The following ANO3 variants were observed in gnomAD, a reference collection of about 807,000 sequenced individuals.
ANO3 encodes the protein anoctamin-3.
In ANO3, 99 loss-of-function variants were observed where a neutral mutation model predicts 144.8. The observed-to-expected ratio is 0.68, with a 90% CI of 0.58 to 0.81. The LOEUF (loss-of-function observed/expected upper bound fraction) is 0.81, where lower values mean the gene tolerates loss of function less well. ANO3 is among the 30% of genes least tolerant of loss of function. The probability of loss-of-function intolerance (pLI) is 0.00; values close to 1 mark genes in which losing one functional copy is unlikely to be tolerated. For synonymous variants in ANO3, 414 were observed against 392.6 expected, an observed-to-expected ratio of 1.05 and a Z score of -0.64; for missense variants, 905 against 1,202.2, an observed-to-expected ratio of 0.75 and a Z score of 3.66.
chr11:26,384,342 T>G (rs538547383), intron 1 of ANO3, among the ~76,000 whole-genome samples: 1 of 152,238 alleles, frequency 6.6e-6, no homozygotes, highest in East Asian at 1.9e-4. Context: ...AACAGACAAG[T>G]AGTAGTTAAC....
intron 4 of ANO3, among the ~76,000 whole-genome samples, chr11:26,471,327 C>G (rs1301607784): frequency 6.6e-6 from 1 of 151,954 alleles, no homozygotes; most frequent in Middle Eastern, 3.4e-3. Context: ...AATTGTGTGG[C>G]TAATTTACAA....
At chr11:26,481,351 T>C (rs1565051298) in intron 4 of ANO3, among the ~76,000 whole-genome samples, 1 of 152,068 alleles carries the variant, frequency 6.6e-6, no homozygotes, top group Admixed American at 6.5e-5. Flanking sequence ...TCTGAGGGAA[T>C]AAATTTATCT....
intron 1 of ANO3, among the ~76,000 whole-genome samples, chr11:26,189,609 T>C (rs1407355692): frequency 6.6e-6 from 1 of 152,210 alleles, no homozygotes; most frequent in African/African-American, 2.4e-5. Context: ...TTCCTCTGAA[T>C]GCTCAGGCCT....
At chr11:26,251,071 AC>A (rs555458320) in intron 1 of ANO3, among the ~76,000 whole-genome samples, 55 of 152,302 alleles carry the variant, frequency 3.6e-4, no homozygotes, top group Middle Eastern at 3.4e-3. Context: ...CAGGAAAATA[AC>A]AAAATTCAAA....
intron 4 of ANO3, among the ~76,000 whole-genome samples, chr11:26,501,070 G>GA (rs1216863697): frequency 1.3e-5 from 2 of 152,116 alleles, no homozygotes; most frequent in Admixed American, 1.3e-4. Flanking sequence ...AGAAAGTAAT[G>GA]AAAAACATTC....
intron 1 of ANO3, among the ~76,000 whole-genome samples, chr11:26,223,621 AAC>A (rs1491192309): frequency 6.6e-6 from 1 of 151,582 alleles, no homozygotes. Context: ...AAAAAAAAAA[AAC>A]CCTGAGATTG....
chr11:26,283,622 A>G (rs1043031761), intron 1 of ANO3, among the ~76,000 whole-genome samples: 4 of 152,064 alleles, frequency 2.6e-5, no homozygotes, highest in South Asian at 2.1e-4. Context: ...CTCACTTAGT[A>G]AGTACCTACT....
At chr11:26,413,787 C>T (rs1358443930) in intron 1 of ANO3, among the ~76,000 whole-genome samples, 6 of 152,002 alleles carry the variant, frequency 3.9e-5, no homozygotes, top group Admixed American at 6.6e-5. Context: ...AATTCATGCA[C>T]AATGGCTATG....
chr11:26,198,502 A>C (rs1427679631), intron 1 of ANO3, among the ~76,000 whole-genome samples: 1 of 152,202 alleles, frequency 6.6e-6, no homozygotes, highest in African/African-American at 2.4e-5. Flanking sequence ...TATGGTCCAA[A>C]GAAGATAGAA....
intron 9 of ANO3, among the ~76,000 whole-genome samples, chr11:26,535,497 T>A (rs1849483172): frequency 6.7e-6 from 1 of 150,346 alleles, no homozygotes; most frequent in South Asian, 2.1e-4. Context: ...CAGCAAAAAC[T>A]GGTACCAATC....
intron 1 of ANO3, among the ~76,000 whole-genome samples, chr11:26,389,977 A>C (rs1165692457): frequency 6.6e-6 from 1 of 152,074 alleles, no homozygotes; most frequent in Non-Finnish European, 1.5e-5. Flanking sequence ...TAACGGTCTG[A>C]ATTGTTAGGT....
Position 26,553,224 on chromosome 11 carries a change from G to A in ANO3, c.1290-25G>A, listed in dbSNP as rs56104576. ...ACAGTTTCATGCTATGTTTTGTTTT[G>A]TTTTTGTTTTTGTTTTTTCTCAAGC... On this transcript the variant is annotated intron_variant, in intron 12 of 26. Transcript: ENST00000256737. The A allele has an allele frequency of 6.8e-6, 8 of 1,172,126 alleles. 1 individual carries two copies. Among genetic ancestry groups the A allele is most frequent in the South Asian group, 2.6e-5 (2 of 75,606 alleles). 72.6% of individuals were successfully genotyped at this position (1,172,126 alleles called of 1,614,324 possible).
chr11:26,336,545 CA>C (rs530455539), intron 1 of ANO3, among the ~76,000 whole-genome samples: 115 of 152,252 alleles, frequency 7.6e-4, no homozygotes, highest in African/African-American at 2.7e-3. Context: ...GTTGCTATTG[CA>C]AGTGCACACC....
intron 1 of ANO3, among the ~76,000 whole-genome samples, chr11:26,370,432 A>G (rs1856217344): frequency 6.6e-6 from 1 of 152,204 alleles, no homozygotes; most frequent in African/African-American, 2.4e-5. Flanking sequence ...CACCAGCAAC[A>G]TGAGAATGAA....
Position 26,247,241 on chromosome 11 carries a change from T to G in ANO3, c.154+57911T>G, listed in dbSNP as rs141161084. Among the ~76,000 whole-genome samples the G allele has an allele frequency of 5.9e-5, 9 of 151,710 alleles. No individual in the cohort carries two copies. In the East Asian group the frequency reaches 1.8e-3, roughly 30 times the overall value. On this transcript the variant is annotated intron_variant, in intron 1 of 27. Transcript: ENST00000672621. The stretch of plus-strand genomic sequence containing the variant: ...TTACGTGTAGATTTCTGACTCAAAG[T>G]ATATTTTTTATATACTGTATTATGT...
chr11:26,559,858 A>G, intron 14 of ANO3, 79 bp downstream of exon 14: 1 of 908,304 alleles, frequency 1.1e-6, no homozygotes, highest in African/African-American at 1.6e-5. Context: ...ACACACACAC[A>G]CACACACACA....
chr11:26,236,742 T>C lies in ANO3; in HGVS notation c.154+47412T>C, dbSNP rs11029412. Among the ~76,000 whole-genome samples the C allele has an allele frequency of 2.1e-3, 290 of 140,618 alleles. 3 individuals carry two copies. The highest frequency in any genetic ancestry group is 0.018 in the East Asian group (81 of 4,604). 92.3% of individuals were successfully genotyped at this position (140,618 alleles called of 152,430 possible). ...CTGAGGCAGGAGAATGGCGTGAACC[T>C]GGGAGGCAGAGCTTGCAGTGAGCCC... On this transcript the variant is annotated intron_variant, in intron 1 of 27. Transcript: ENST00000672621.
intron 10 of ANO3, among the ~76,000 whole-genome samples, chr11:26,537,760 G>A (rs1365517486): frequency 6.6e-6 from 1 of 152,194 alleles, no homozygotes; most frequent in Non-Finnish European, 1.5e-5. Context: ...CTTGAGATCA[G>A]CACCATTCCA....
intron 13 of ANO3, among the ~76,000 whole-genome samples, chr11:26,553,766 G>A (rs1298274338): frequency 6.6e-6 from 1 of 152,070 alleles, no homozygotes; most frequent in Non-Finnish European, 1.5e-5. Context: ...TAACTGAACG[G>A]CTTTTAAAAC....
Sources: allele counts gnomAD v4.1 joint callset (sites outside exome capture counted in the v4.1 genomes callset), GRCh38; gene constraint gnomAD v4.1.1; transcripts MANE v1.5; gene names NCBI Gene and HGNC (gene_info 2026-07-23, HGNC 2026-07-21).